The following GALNT10 variants were observed in gnomAD, a reference collection of about 807,000 sequenced individuals.
GALNT10 encodes GalNAc transferase 10.
In GALNT10, 41 loss-of-function variants were observed where a neutral mutation model predicts 75.0. That is an observed-to-expected ratio of 0.55 (90% confidence interval 0.43 to 0.71). The LOEUF (loss-of-function observed/expected upper bound fraction) is 0.71, where lower values mean the gene tolerates loss of function less well. GALNT10 is among the 30% of genes least tolerant of loss of function. The pLI, the probability that GALNT10 is intolerant of heterozygous loss-of-function variation, is 0.00. For synonymous variants in GALNT10, 302 were observed against 313.0 expected, an observed-to-expected ratio of 0.96 and a Z score of 0.37; for missense variants, 727 against 818.5, an observed-to-expected ratio of 0.89 and a Z score of 1.36.
chr5:154,193,332 T>A (rs1283267269), intron 1 of GALNT10, among the ~76,000 whole-genome samples: 1 of 152,208 alleles, frequency 6.6e-6, no homozygotes, highest in Admixed American at 6.5e-5. Context: ...CAGCCCCTTT[T>A]TGTTTCACTC....
intron 1 of GALNT10, among the ~76,000 whole-genome samples, chr5:154,289,362 G>A (rs17629050): frequency 0.2 from 29,933 of 152,186 alleles, 3,647 homozygotes; most frequent in Admixed American, 0.28. Flanking sequence ...GAACCAGAAT[G>A]TTCCAAGTCA....
At chr5:154,304,138 T>C (rs1022642014) in intron 3 of GALNT10, among the ~76,000 whole-genome samples, 10 of 152,180 alleles carry the variant, frequency 6.6e-5, no homozygotes, top group African/African-American at 2.4e-4. Context: ...ATTTTAAAAA[T>C]TGAAAAGAGG....
chr5:154,307,054 A>G (rs1581965811), intron 3 of GALNT10, among the ~76,000 whole-genome samples: 1 of 152,226 alleles, frequency 6.6e-6, no homozygotes, highest in East Asian at 1.9e-4. Flanking sequence ...GGAATGAGAG[A>G]GATGACATAA....
chr5:154,246,604 CT>C (rs555179177), intron 1 of GALNT10, among the ~76,000 whole-genome samples: 33 of 152,286 alleles, frequency 2.2e-4, no homozygotes, highest in African/African-American at 7.9e-4. Context: ...GTATAAATGT[CT>C]TCTTTTGAGA....
chr5:154,241,225 T>A (rs1451961502), intron 1 of GALNT10, among the ~76,000 whole-genome samples: 1 of 152,034 alleles, frequency 6.6e-6, no homozygotes, highest in Non-Finnish European at 1.5e-5. Context: ...CTAAGGAGTA[T>A]GGGTTTGGTG....
At chr5:154,392,102 A>T (rs1755906949) in intron 7 of GALNT10, 1 of 152,374 alleles carries the variant, frequency 6.6e-6, no homozygotes. Context: ...ACCCAGCCAG[A>T]CAAGACTGCA....
chr5:154,266,146 C>T (rs1753771827), intron 1 of GALNT10, among the ~76,000 whole-genome samples: 1 of 152,012 alleles, frequency 6.6e-6, no homozygotes, highest in Non-Finnish European at 1.5e-5. Flanking sequence ...AAGTAAATAT[C>T]GAGCATTAGG....
At chr5:154,198,236 T>C (rs180978520) in intron 1 of GALNT10, among the ~76,000 whole-genome samples, 1 of 152,344 alleles carries the variant, frequency 6.6e-6, no homozygotes, top group East Asian at 1.9e-4. Flanking sequence ...TTGACCTGTG[T>C]GCCTGGAATT....
intron 3 of GALNT10, among the ~76,000 whole-genome samples, chr5:154,300,166 CTGTT>C (rs1656845378): frequency 1.3e-5 from 2 of 152,106 alleles, no homozygotes; most frequent in Non-Finnish European, 1.5e-5. Flanking sequence ...TAAGTCTAGA[CTGTT>C]TGTAGTTCAG....
chr5:154,365,213 A>G (rs1755456422), intron 4 of GALNT10, among the ~76,000 whole-genome samples: 1 of 152,176 alleles, frequency 6.6e-6, no homozygotes, highest in African/African-American at 2.4e-5. Context: ...CTGCTTGAAG[A>G]AGGAGAATAA....
chr5:154,417,051 T>G lies in GALNT10; in HGVS notation c.*79T>G. ...CCTCTTTCAAGGGAGGCAGGGCCCC[T>G]GTGGGCACTAGGTGTAAAAGGTGCT... is the stretch of plus-strand genomic sequence containing the variant. On this transcript the variant is annotated 3_prime_UTR_variant, in exon 12 of 12. Coordinates refer to ENST00000297107, the MANE Select transcript of GALNT10 (RefSeq NM_198321.4). The G allele has an allele frequency of 7.5e-7, 1 of 1,326,752 alleles. No homozygotes were observed. The highest frequency in any genetic ancestry group is 1.1e-6 in the Non-Finnish European group (1 of 933,402). The allele number at this position is 1,326,752 out of a possible 1,614,324, so 82.2% of individuals were successfully genotyped here.
intron 1 of GALNT10, among the ~76,000 whole-genome samples, chr5:154,283,964 G>A (rs917013128): frequency 5.9e-5 from 9 of 152,190 alleles, no homozygotes; most frequent in Non-Finnish European, 1.3e-4. Flanking sequence ...CAAAGTCTGG[G>A]ATCCACAAGG....
rs753715740 is a variant in GALNT10, at chr5:154,221,428, G to C, written c.159+30403G>C. Among the ~76,000 whole-genome samples the C allele has an allele frequency of 3.9e-5, 6 of 152,308 alleles. No homozygotes were observed. In the South Asian group the frequency reaches 1.2e-3, roughly 32 times the overall value. ...GCTCCGGGGGTTAGGGTGCCCCTGAGTTGTGCCTTACTGAGTCTGCACATC... is the reference window on the plus strand; with the variant it reads ...GCTCCGGGGGTTAGGGTGCCCCTGACTTGTGCCTTACTGAGTCTGCACATC... On this transcript the variant is annotated intron_variant, in intron 1 of 11. Coordinates refer to ENST00000297107, the MANE Select transcript of GALNT10 (RefSeq NM_198321.4).
intron 1 of GALNT10, among the ~76,000 whole-genome samples, chr5:154,249,817 G>A (rs1305154280): frequency 6.6e-6 from 1 of 152,142 alleles, no homozygotes; most frequent in Admixed American, 6.5e-5. Flanking sequence ...TTGCCTTTGG[G>A]TGAGGAGAAG....
chr5:154,319,457 CT>C (rs1368737837), intron 3 of GALNT10, among the ~76,000 whole-genome samples: 1 of 152,186 alleles, frequency 6.6e-6, no homozygotes, highest in Non-Finnish European at 1.5e-5. Flanking sequence ...TAAATACTAC[CT>C]GGATTTGAGG....
chr5:154,412,474 T>A lies in GALNT10; in HGVS notation c.1387-415T>A, dbSNP rs1221761967. 1 of 218,236 alleles carries A rather than the reference T, an allele frequency of 4.6e-6. No individual in the cohort carries two copies. The highest frequency in any genetic ancestry group is 9.2e-6 in the Non-Finnish European group (1 of 108,542). 13.5% of individuals were successfully genotyped at this position (218,236 alleles called of 1,614,324 possible). ...GACAGTCCATGACATACAGCAAAGGTTTCATGTCCTTTTCTAGGCGCTTTC... is the reference window on the plus strand; with the variant it reads ...GACAGTCCATGACATACAGCAAAGGATTCATGTCCTTTTCTAGGCGCTTTC... On this transcript the variant is annotated intron_variant, in intron 9 of 11. Transcript: ENST00000297107. The surrounding 1 kb of genome is among the most constrained non-coding windows in gnomAD (Gnocchi z 4.2).
intron 3 of GALNT10, among the ~76,000 whole-genome samples, chr5:154,324,165 A>G (rs962312360): frequency 8.5e-5 from 13 of 152,210 alleles, no homozygotes; most frequent in Admixed American, 4.6e-4. Context: ...TGGGGAAGGT[A>G]ATCATGCCTT....
At chr5:154,207,691 G>A (rs1481824685) in intron 1 of GALNT10, among the ~76,000 whole-genome samples, 3 of 152,184 alleles carry the variant, frequency 2.0e-5, no homozygotes, top group Non-Finnish European at 4.4e-5. Context: ...TGGGCAGGGG[G>A]TGGGTAGTGA....
intron 1 of GALNT10, among the ~76,000 whole-genome samples, chr5:154,217,549 G>A (rs1257704084): frequency 6.6e-6 from 1 of 152,202 alleles, no homozygotes; most frequent in East Asian, 1.9e-4. Flanking sequence ...TCTCAAGAAA[G>A]CAGGTAGTGG....
Sources: allele counts gnomAD v4.1 joint callset (sites outside exome capture counted in the v4.1 genomes callset), GRCh38; gene constraint gnomAD v4.1.1; non-coding constraint Gnocchi (gnomAD v3.1); transcripts MANE v1.5; gene names NCBI Gene and HGNC (gene_info 2026-07-23, HGNC 2026-07-21).